The following CRYZ variants were observed in gnomAD, a reference collection of about 807,000 sequenced individuals.
The protein encoded by CRYZ is crystallin zeta.
CRYZ carries 35 observed loss-of-function variants against 34.1 expected under a neutral mutation model. The observed-to-expected ratio is 1.03, with a 90% CI of 0.78 to 1.36. The LOEUF (loss-of-function observed/expected upper bound fraction) is 1.36, where lower values mean the gene tolerates loss of function less well. Among genes scored for constraint, CRYZ ranks in the 40% most tolerant of loss-of-function variants. CRYZ has a pLI of 0.00. For synonymous variants in CRYZ, 137 were observed against 136.5 expected (o/e 1.00, Z -0.03); for missense variants, 403 against 391.8 (o/e 1.03, Z -0.24).
At chr1:74,706,535 A>G in intron 8 of CRYZ, 78 bp from the exon 9 acceptor site, 1 of 1,288,926 alleles carries the variant, frequency 7.8e-7, no homozygotes, top group East Asian at 2.4e-5. Flanking sequence ...AACACTTCAG[A>G]ATCTAAGTGT....
chr1:74,727,644 C>CAAAAAA (rs1169467605), intron 1 of CRYZ, among the ~76,000 whole-genome samples: 3 of 48,692 alleles, frequency 6.2e-5, no homozygotes, highest in African/African-American at 2.3e-4. Flanking sequence ...GACTCTGTCT[C>CAAAAAA]AAAAAAAAAA....
rs1647194916 is a variant in CRYZ at position 74,723,202 on chromosome 1, A to C, written c.180T>G (p.Ser60Arg). ...GAGTATAGGGTAAGAGTGGTTTTCT[A>C]CTATAAGTACCAGAGCGAATGTATG... Reference protein sequence around the residue: ...VETYIRSGTYSRKPLLPYTPG... With the variant: ...VETYIRSGTYRRKPLLPYTPG... Residue 60 changes from serine to arginine, a missense_variant, in exon 3 of 9, where the codon AGT becomes AGG. By Grantham distance (110) the Ser-to-Arg change is moderately radical (BLOSUM62 -1). Coordinates refer to ENST00000340866, the MANE Select transcript of CRYZ (RefSeq NM_001889.4). The C allele has an allele frequency of 1.2e-6, 2 of 1,613,938 alleles. No homozygotes were observed. The highest frequency in any genetic ancestry group is 2.7e-5 in the African/African-American group (2 of 74,926).
At chr1:74,717,456 G>C (rs1647093276) in intron 4 of CRYZ, among the ~76,000 whole-genome samples, 1 of 151,890 alleles carries the variant, frequency 6.6e-6, no homozygotes. Flanking sequence ...ATTTTTTTCT[G>C]AACAGACCTC....
chr1:74,727,729 T>C (rs1022199122), intron 1 of CRYZ, among the ~76,000 whole-genome samples: 16 of 151,470 alleles, frequency 1.1e-4, no homozygotes, highest in South Asian at 6.3e-4. Context: ...TGACCCATGA[T>C]TGAATTCCTC....
At chr1:74,729,892 C>T (rs1647612133) in intron 1 of CRYZ, among the ~76,000 whole-genome samples, 1 of 152,078 alleles carries the variant, frequency 6.6e-6, no homozygotes, top group Non-Finnish European at 1.5e-5. Context: ...GTGTGTTAAA[C>T]TCAGAGAACA....
At chr1:74,721,326 G>A (rs529767161) in intron 3 of CRYZ, among the ~76,000 whole-genome samples, 2 of 152,192 alleles carry the variant, frequency 1.3e-5, no homozygotes, top group East Asian at 3.9e-4. Flanking sequence ...GTGCAGGGAA[G>A]GACAAACACT....
At chr1:74,729,849 G>A (rs1024913215) in intron 1 of CRYZ, among the ~76,000 whole-genome samples, 3 of 152,054 alleles carry the variant, frequency 2.0e-5, no homozygotes, top group Non-Finnish European at 2.9e-5. Flanking sequence ...TATGCAATGC[G>A]TATTTTTCTG....
At chr1:74,714,478 A>G in intron 5 of CRYZ, 101 bp downstream of exon 5, 2 of 1,133,396 alleles carry the variant, frequency 1.8e-6, no homozygotes, top group South Asian at 1.5e-5. Context: ...AGCACCTTTG[A>G]CTCTATTTAT....
At chr1:74,725,776 G>C (rs989948221) in intron 1 of CRYZ, among the ~76,000 whole-genome samples, 1 of 152,128 alleles carries the variant, frequency 6.6e-6, no homozygotes, top group Admixed American at 6.5e-5. Context: ...AAAATCAAAA[G>C]CAAGTTAGTT....
Position 74,707,179 on chromosome 1 carries a change from TC to T in CRYZ, c.655del (p.Asp219IlefsTer2). 1 of 1,565,348 alleles carries T rather than the reference TC, an allele frequency of 6.4e-7. No homozygotes were observed. The highest frequency in any genetic ancestry group is 1.2e-5 in the South Asian group (1 of 85,658). On this transcript the variant is annotated frameshift_variant, in exon 7 of 9. Transcript: ENST00000340866. LOFTEE classifies it high-confidence loss of function. The part of the protein sequence containing the change: ...IKKYVGEKGI[D>X]IIIEMLANVN... ...ATTAGCTAACATTTCAATAATTATA[TC>T]AATTCCTTTCTCACCAACATACTTC...
At chr1:74,716,392 A>G (rs1417269525) in intron 4 of CRYZ, among the ~76,000 whole-genome samples, 1 of 152,172 alleles carries the variant, frequency 6.6e-6, no homozygotes, top group Non-Finnish European at 1.5e-5. Context: ...CCTGGTGCTC[A>G]TAACACTCAG....
At chr1:74,711,113 AAG>A (rs1646996294) in intron 5 of CRYZ, among the ~76,000 whole-genome samples, 1 of 152,164 alleles carries the variant, frequency 6.6e-6, no homozygotes, top group African/African-American at 2.4e-5. Flanking sequence ...AAAGAACAGA[AAG>A]AGGGGCAGTG....
intron 4 of CRYZ, 104 bp from the exon 5 acceptor site, chr1:74,714,734 T>G: frequency 9.0e-7 from 1 of 1,109,694 alleles, no homozygotes; most frequent in Middle Eastern, 2.0e-4. Context: ...TGGCTAACAC[T>G]TACACAAACA....
chr1:74,724,675 A>G (rs1386177584), intron 2 of CRYZ, 36 bp downstream of exon 2: 2 of 1,294,282 alleles, frequency 1.5e-6, no homozygotes, highest in African/African-American at 3.0e-5. Flanking sequence ...CACACTCAGT[A>G]TAATTATAGC....
chr1:74,711,904 G>A (rs1009554121), intron 5 of CRYZ, among the ~76,000 whole-genome samples: 1 of 151,826 alleles, frequency 6.6e-6, no homozygotes, highest in Non-Finnish European at 1.5e-5. Flanking sequence ...ATTATCTTAC[G>A]GATGGTATTT....
intron 4 of CRYZ, 35 bp downstream of exon 4, chr1:74,719,174 G>A (rs764696127): frequency 6.2e-7 from 1 of 1,602,936 alleles, no homozygotes; most frequent in South Asian, 1.1e-5. Context: ...CCCTCTTTTG[G>A]CATTGGCCAT....
chr1:74,720,342 C>T (rs901745339), intron 3 of CRYZ, among the ~76,000 whole-genome samples: 3 of 152,068 alleles, frequency 2.0e-5, no homozygotes, highest in South Asian at 2.1e-4. Flanking sequence ...CTTCTTGTCA[C>T]GGCACCAGAA....
At position 74,719,354 on chromosome 1, in the gene CRYZ, T is replaced by C; in HGVS notation, c.283A>G (p.Thr95Ala). 1 of 1,611,010 alleles carries C rather than the reference T, an allele frequency of 6.2e-7. No individual in the cohort carries two copies. Among genetic ancestry groups the C allele is most frequent in the Non-Finnish European group, 8.5e-7 (1 of 1,177,510 alleles). Residue 95 changes from threonine (T) to alanine (A), a missense_variant, in exon 4 of 9, where the codon ACT becomes GCT. Physicochemically the swap from Thr to Ala is moderately conservative, Grantham distance 58. Transcript: ENST00000340866. ...TAACCCCCAGAGATCGTGCTGCTAG[T>C]GAAAACTCTGTCACCTTTCTAGGGG... ...SAFKKGDRVF[T>A]SSTISGGYAE...
rs1196046599 is a variant in CRYZ, at chr1:74,710,242, T to A, written c.486A>T (p.Gly162=). 6.2e-7 allele frequency: 1 copy of A among 1,613,404 alleles called. No individual in the cohort carries two copies. Among genetic ancestry groups the A allele is most frequent in the Non-Finnish European group, 8.5e-7 (1 of 1,179,768 alleles). Residue 162 remains glycine, a synonymous_variant, in exon 6 of 9, where the codon GGA becomes GGT. Transcript: ENST00000340866. ...VLVHGASGGV[G]LAACQIARAY... is the part of the protein sequence containing the mutation. ...CTCTAGCAATTTGGCATGCTGCTAATCCAACCTGAAAAACAAATATAACCC... is the reference window on the plus strand; with the variant it reads ...CTCTAGCAATTTGGCATGCTGCTAAACCAACCTGAAAAACAAATATAACCC...
Sources: gnomAD v4.1 joint callset for allele counts (sites outside exome capture counted in the v4.1 genomes callset) on GRCh38, gnomAD v4.1.1 for gene constraint, MANE v1.5 for transcripts, NCBI Gene and HGNC (gene_info 2026-07-23, HGNC 2026-07-21) for gene names.